Variants in NUCB2 observed in about 807,000 individuals in gnomAD.
NUCB2 encodes the protein nucleobindin-2.
In NUCB2, 48 loss-of-function variants were observed where a neutral mutation model predicts 57.9. The observed-to-expected ratio is 0.83, with a 90% CI of 0.66 to 1.05. The LOEUF (loss-of-function observed/expected upper bound fraction) is 1.05, where lower values mean the gene tolerates loss of function less well. NUCB2 is among the 50% of genes least tolerant of loss of function. The pLI is 0.00. For synonymous variants in NUCB2, 139 were observed against 152.1 expected (o/e 0.91, Z 0.64); for missense variants, 442 against 476.2 (o/e 0.93, Z 0.67).
chr11:17,293,811 A>C (rs772090750), intron 2 of NUCB2, among the ~76,000 whole-genome samples: 1 of 152,236 alleles, frequency 6.6e-6, no homozygotes, highest in Non-Finnish European at 1.5e-5. Context: ...ATATTGTATA[A>C]TTCCATTTAT....
At chr11:17,283,096 A>C (rs182099066) in intron 2 of NUCB2, among the ~76,000 whole-genome samples, 153 bp downstream of exon 2, 90 of 152,308 alleles carry the variant, frequency 5.9e-4, no homozygotes, top group African/African-American at 1.8e-3. Context: ...TTGAAATAGC[A>C]CTCTAGGATG....
chr11:17,301,275 T>C (rs1462069150), intron 4 of NUCB2, among the ~76,000 whole-genome samples: 1 of 109,902 alleles, frequency 9.1e-6, no homozygotes, highest in African/African-American at 3.6e-5. Flanking sequence ...GCCTGGCCTT[T>C]TTTTTTTTTT....
intron 5 of NUCB2, among the ~76,000 whole-genome samples, chr11:17,303,884 C>CAAAAAAAA (rs1237614290): frequency 1.8e-5 from 1 of 54,638 alleles, no homozygotes; most frequent in Admixed American, 2.1e-4. Context: ...GACTCCATCT[C>CAAAAAAAA]AAAAAAAAAA....
chr11:17,336,924 A>C (rs1951863100), downstream of NUCB2, among the ~76,000 whole-genome samples: 1 of 151,994 alleles, frequency 6.6e-6, no homozygotes, highest in Admixed American at 6.6e-5. Flanking sequence ...AAAATTATAA[A>C]ATTTTTTTGA....
chr11:17,299,284 A>ACT (rs2138538282), intron 4 of NUCB2, among the ~76,000 whole-genome samples: 1 of 151,840 alleles, frequency 6.6e-6, no homozygotes, highest in African/African-American at 2.4e-5. Flanking sequence ...CAATTCAGTA[A>ACT]CTCTAGAGCC....
intron 2 of NUCB2, among the ~76,000 whole-genome samples, chr11:17,344,490 A>G (rs1952558066): frequency 1.3e-5 from 2 of 152,076 alleles, no homozygotes; most frequent in Non-Finnish European, 1.5e-5. Flanking sequence ...CTTTCCCACT[A>G]TTGTATTTCT....
chr11:17,325,422 T>C (rs1950549062), intron 11 of NUCB2, among the ~76,000 whole-genome samples: 1 of 152,176 alleles, frequency 6.6e-6, no homozygotes, highest in African/African-American at 2.4e-5. Flanking sequence ...AATGGACCCA[T>C]TTATCATTTT....
At chr11:17,302,123 C>CT (rs1282846080) in intron 5 of NUCB2, among the ~76,000 whole-genome samples, 1 of 152,008 alleles carries the variant, frequency 6.6e-6, no homozygotes, top group Non-Finnish European at 1.5e-5. Flanking sequence ...TCTTGAACTC[C>CT]TGGGCTCAAG....
rs1260061337 is a variant in NUCB2 at position 17,349,000 on chromosome 11, G to A, written n.2627-345G>A. Among the ~76,000 whole-genome samples, 11 of 151,626 alleles carry A rather than the reference G, an allele frequency of 7.3e-5. No homozygotes were observed. The South Asian group carries it at 1.5e-3, about 20-fold the overall frequency. On this transcript the variant is annotated intron_variant and non_coding_transcript_variant, in intron 2 of 2. Transcript: ENST00000532240. The stretch of plus-strand genomic sequence containing the variant: ...TCACCATGTTGGCCAGGCTGGTCTC[G>A]AACTCCTGACCTCAGGTGATCCACC...
intron 2 of NUCB2, among the ~76,000 whole-genome samples, chr11:17,346,168 C>T (rs1033940824): frequency 2.6e-5 from 4 of 152,178 alleles, no homozygotes; most frequent in African/African-American, 9.7e-5. Flanking sequence ...TACTATCTTC[C>T]AATGAAGGAA....
chr11:17,328,163 G>A lies in NUCB2; in HGVS notation c.1003-1964G>A, dbSNP rs574174197. ...GACTCTTAAAAGTACCACCTTGGTG[G>A]TCTTGGATAAGATCCAGAAGAATTC... On this transcript the variant is annotated intron_variant, in intron 11 of 13. Transcript: ENST00000529010. 1.4e-4 allele frequency among the ~76,000 whole-genome samples: 21 copies of A among 152,338 alleles called. No individual in the cohort carries two copies. In the South Asian group the frequency reaches 4.1e-3, roughly 30 times the overall value.
chr11:17,295,457 T>TAGAA lies in NUCB2; in HGVS notation c.135_138dup (p.Pro47ArgfsTer10). The TAGAA allele has an allele frequency of 6.2e-7, 1 of 1,609,984 alleles. No individual in the cohort carries two copies. Among genetic ancestry groups the TAGAA allele is most frequent in the Non-Finnish European group, 8.5e-7 (1 of 1,178,198 alleles). Reference sequence around the variant, plus strand: ...ATTCACCCTGTGGAAAGTGCGAAGATAGAACCACCAGTAAGTGAAATGAAG... The same window carrying TAGAA: ...ATTCACCCTGTGGAAAGTGCGAAGATAGAAAGAACCACCAGTAAGTGAAATGAAG... On this transcript the variant is annotated frameshift_variant, in exon 3 of 14. Coordinates refer to ENST00000529010, the MANE Select transcript of NUCB2 (RefSeq NM_005013.4). LOFTEE classifies it high-confidence loss of function.
At chr11:17,329,211 G>A (rs919519554) in intron 11 of NUCB2, among the ~76,000 whole-genome samples, 11 of 152,168 alleles carry the variant, frequency 7.2e-5, no homozygotes, top group African/African-American at 2.4e-4. Context: ...CCTCAAGAAA[G>A]GAGTCACTTT....
At position 17,282,252 on chromosome 11, in the gene NUCB2, A is replaced by ATTT. The variant is rs59444289; in HGVS notation, c.-155-536_-155-535insTTT. Among the ~76,000 whole-genome samples, 7 of 95,414 alleles carry ATTT rather than the reference A, an allele frequency of 7.3e-5. No homozygotes were observed. In the East Asian group the frequency reaches 1.2e-3, roughly 16 times the overall value. 62.6% of individuals were successfully genotyped at this position (95,414 alleles called of 152,430 possible). On this transcript the variant is annotated intron_variant, in intron 1 of 13. Coordinates refer to ENST00000529010, the MANE Select transcript of NUCB2 (RefSeq NM_005013.4). The stretch of plus-strand genomic sequence containing the variant: ...TCTATCTATCTATATATATATATAT[A>ATTT]TATATATTTTTTTTTTTTTTTCCCA...
At chr11:17,286,182 T>C (rs1431028616) in intron 2 of NUCB2, among the ~76,000 whole-genome samples, 2 of 152,124 alleles carry the variant, frequency 1.3e-5, no homozygotes, top group African/African-American at 4.8e-5. Context: ...ACTACAGGCA[T>C]GTGCCACCAT....
intron 6 of NUCB2, 145 bp downstream of exon 6, chr11:17,309,820 A>T: frequency 2.0e-6 from 1 of 510,172 alleles, no homozygotes; most frequent in Non-Finnish European, 3.4e-6. Context: ...TTATTAATAC[A>T]GATATTAATA....
intron 2 of NUCB2, among the ~76,000 whole-genome samples, chr11:17,339,528 G>A (rs1453481204): frequency 8.1e-6 from 1 of 123,496 alleles, no homozygotes; most frequent in Non-Finnish European, 1.6e-5. Context: ...ACAGGCCCCG[G>A]TGTGTGATGT....
chr11:17,342,252 C>A (rs1043345246), intron 2 of NUCB2, among the ~76,000 whole-genome samples: 3 of 152,114 alleles, frequency 2.0e-5, no homozygotes, highest in Non-Finnish European at 2.9e-5. Context: ...TTTTGTTGAT[C>A]TTTTCAAAAA....
At chr11:17,281,721 T>A (rs1392478532) in intron 1 of NUCB2, among the ~76,000 whole-genome samples, 3 of 152,196 alleles carry the variant, frequency 2.0e-5, no homozygotes, top group Admixed American at 6.5e-5. Flanking sequence ...CCATGTTGTG[T>A]CAATAAAAGT....
Sources: gnomAD v4.1 joint callset for allele counts (sites outside exome capture counted in the v4.1 genomes callset) on GRCh38, gnomAD v4.1.1 for gene constraint, MANE v1.5 for transcripts, NCBI Gene and HGNC (gene_info 2026-07-23, HGNC 2026-07-21) for gene names.